IGFL2: variants seen among roughly 807,000 people sequenced by gnomAD.
IGFL2 encodes the protein insulin growth factor-like family member 2.
IGFL2 carries 7 observed loss-of-function variants against 13.9 expected under a neutral mutation model. The ratio of observed to expected loss-of-function variants is 0.51; its 90% CI spans 0.29 to 0.95. The LOEUF (loss-of-function observed/expected upper bound fraction) is 0.95. Ranked by LOEUF, IGFL2 falls within the 40% of genes least tolerant of loss-of-function variation. The probability of loss-of-function intolerance (pLI) is 0.08; values close to 1 mark genes in which losing one functional copy is unlikely to be tolerated. For missense variants in IGFL2, 138 were observed against 147.8 expected, an observed-to-expected ratio of 0.93 and a Z score of 0.34; for synonymous variants, 55 against 55.8, an observed-to-expected ratio of 0.99 and a Z score of 0.07.
At chr19:46,195,582 T>C in the IGFL2 span, among the ~76,000 whole-genome samples, 1 of 152,122 alleles carries the variant, frequency 6.6e-6, no homozygotes, top group African/African-American at 2.4e-5. Flanking sequence ...TGTATGTATT[T>C]ATTTAGAGAC....
chr19:46,082,321 T>C, the IGFL2 span, among the ~76,000 whole-genome samples: 1 of 152,168 alleles, frequency 6.6e-6, no homozygotes, highest in African/African-American at 2.4e-5. Flanking sequence ...TCTACAAGTA[T>C]AAGGGGAGAA....
the IGFL2 span, among the ~76,000 whole-genome samples, chr19:46,088,209 C>T: frequency 2.0e-5 from 3 of 152,180 alleles, no homozygotes; most frequent in Admixed American, 6.5e-5. Flanking sequence ...TTTGAAGTGT[C>T]ATTATCTATG....
At chr19:46,137,218 C>T in the IGFL2 span, 3 of 1,534,806 alleles carry the variant, frequency 2.0e-6, no homozygotes. Context: ...AAATCTTGGG[C>T]CCACGGCAGG....
the IGFL2 span, among the ~76,000 whole-genome samples, chr19:46,094,245 G>A: frequency 2.6e-5 from 4 of 151,934 alleles, no homozygotes; most frequent in Admixed American, 1.3e-4. Context: ...ATAGATTGAT[G>A]GAATGTAATG....
the IGFL2 span, among the ~76,000 whole-genome samples, chr19:46,175,863 A>C: frequency 6.9e-6 from 1 of 144,600 alleles, no homozygotes; most frequent in African/African-American, 2.6e-5. Flanking sequence ...TTTTTTTTGA[A>C]ACGGAGTCTC....
the IGFL2 span, among the ~76,000 whole-genome samples, chr19:46,130,015 A>G: frequency 2.1e-4 from 32 of 152,226 alleles, no homozygotes; most frequent in East Asian, 5.6e-3. Context: ...GAAGGTCTCA[A>G]AGAGCTTGCT....
At chr19:46,128,211 G>A in the IGFL2 span, among the ~76,000 whole-genome samples, 18 of 152,084 alleles carry the variant, frequency 1.2e-4, no homozygotes, top group African/African-American at 2.9e-4. Context: ...CTGCAACTTC[G>A]CTGAAGTTGC....
chr19:46,179,466 T>A, the IGFL2 span: 3 of 152,256 alleles, frequency 2.0e-5, no homozygotes, highest in Non-Finnish European at 1.5e-5. Flanking sequence ...TGACTTGGGC[T>A]CGGGTGGGGT....
intron 1 of IGFL2, chr19:46,148,994 C>T (rs1274267443): frequency 6.2e-7 from 1 of 1,602,432 alleles, no homozygotes; most frequent in Non-Finnish European, 8.5e-7. Flanking sequence ...TCATGAGGTT[C>T]AGTGTCTCAG....
upstream of IGFL2, among the ~76,000 whole-genome samples, chr19:46,139,956 A>ACG (rs1491576617): frequency 1.3e-5 from 2 of 151,348 alleles, no homozygotes; most frequent in African/African-American, 4.8e-5. Context: ...ACACACACAC[A>ACG]TATATATTTT....
At chr19:46,114,174 T>G in the IGFL2 span, among the ~76,000 whole-genome samples, 1 of 152,196 alleles carries the variant, frequency 6.6e-6, no homozygotes, top group East Asian at 1.9e-4. Flanking sequence ...TCCCAAATTT[T>G]TGTTCCTGTT....
At chr19:46,205,209 TC>T in the IGFL2 span, among the ~76,000 whole-genome samples, 1 of 152,144 alleles carries the variant, frequency 6.6e-6, no homozygotes, top group African/African-American at 2.4e-5. Flanking sequence ...AAAAGCACCC[TC>T]CAAATCATAT....
chr19:46,129,535 G>A, the IGFL2 span, among the ~76,000 whole-genome samples: 1 of 152,084 alleles, frequency 6.6e-6, no homozygotes, highest in African/African-American at 2.4e-5. Context: ...CCTTAGCTGT[G>A]TTCCAGAGAT....
At chr19:46,158,480 A>T (rs1973944742) in intron 1 of IGFL2, among the ~76,000 whole-genome samples, 1 of 130,970 alleles carries the variant, frequency 7.6e-6, no homozygotes, top group Admixed American at 9.0e-5. Context: ...AAGTGCTAGG[A>T]TTACAGGTGT....
At chr19:46,207,871 T>C in the IGFL2 span, 2 of 152,356 alleles carry the variant, frequency 1.3e-5, no homozygotes, top group South Asian at 4.1e-4. Context: ...TTGGACTCTC[T>C]TTGCTCTGCC....
At chr19:46,130,987 G>A in the IGFL2 span, among the ~76,000 whole-genome samples, 2 of 151,984 alleles carry the variant, frequency 1.3e-5, no homozygotes, top group African/African-American at 2.4e-5. Flanking sequence ...TTTGGCTTCC[G>A]CTTACGTAAG....
chr19:46,157,586 G>A (rs191292796), intron 1 of IGFL2, among the ~76,000 whole-genome samples: 17 of 152,160 alleles, frequency 1.1e-4, no homozygotes, highest in Admixed American at 9.8e-4. Context: ...ACACCCATTC[G>A]TGATTTTAAA....
chr19:46,179,449 A>G, the IGFL2 span: 3 of 150,962 alleles, frequency 2.0e-5, no homozygotes, highest in Non-Finnish European at 2.9e-5. Context: ...GAAGGATCTG[A>G]GCAGCCTGAC....
downstream of IGFL2, among the ~76,000 whole-genome samples, chr19:46,164,915 G>C (rs1974326720): frequency 6.6e-6 from 1 of 152,184 alleles, no homozygotes; most frequent in South Asian, 2.1e-4. Flanking sequence ...AGTGTCGTCT[G>C]GTCAGGTAAG....
Sources: gnomAD v4.1 joint callset for allele counts (sites outside exome capture counted in the v4.1 genomes callset) on GRCh38, gnomAD v4.1.1 for gene constraint, MANE v1.5 for transcripts, NCBI Gene and HGNC (gene_info 2026-07-23, HGNC 2026-07-21) for gene names.